The following VAMP7 variants were observed in gnomAD, a reference collection of about 807,000 sequenced individuals.
VAMP7 encodes vesicle-associated membrane protein 7.
In VAMP7, 14 loss-of-function variants were observed where a neutral mutation model predicts 29.6. That is an observed-to-expected ratio of 0.47 (90% CI 0.31 to 0.74). VAMP7 has a LOEUF of 0.74. Ranked by LOEUF, VAMP7 falls within the 30% of genes least tolerant of loss-of-function variation. The probability of loss-of-function intolerance (pLI) is 0.05; values close to 1 mark genes in which losing one functional copy is unlikely to be tolerated. For synonymous variants in VAMP7, 95 were observed against 88.1 expected, an observed-to-expected ratio of 1.08 and a Z score of -0.44; for missense variants, 223 against 262.4, an observed-to-expected ratio of 0.85 and a Z score of 1.04.
intron 5 of VAMP7, among the ~76,000 whole-genome samples, chrX:155,906,374 T>G (rs1337406361): frequency 6.6e-6 from 1 of 152,142 alleles, no homozygotes; most frequent in Admixed American, 6.6e-5. Flanking sequence ...CCCCTCACTC[T>G]GTTCATTGGC....
intron 5 of VAMP7, among the ~76,000 whole-genome samples, chrX:155,917,966 C>T (rs1395268559): frequency 6.6e-6 from 1 of 152,172 alleles, no homozygotes; most frequent in Non-Finnish European, 1.5e-5. Flanking sequence ...CTATAAGCCT[C>T]TGGCTGGGGC....
intron 3 of VAMP7, among the ~76,000 whole-genome samples, chrX:155,896,534 C>T (rs934051857): frequency 1.3e-5 from 2 of 152,160 alleles, no homozygotes; most frequent in African/African-American, 4.8e-5. Context: ...AAGGTCCTTT[C>T]TCTTCTCTGC....
At chrX:155,916,119 T>C (rs1374094485) in intron 5 of VAMP7, among the ~76,000 whole-genome samples, 1 of 152,224 alleles carries the variant, frequency 6.6e-6, no homozygotes, top group African/African-American at 2.4e-5. Flanking sequence ...ATGCCCTTTT[T>C]TGTCTTTTTT....
chrX:155,929,848 C>T (rs1021132320), intron 6 of VAMP7, among the ~76,000 whole-genome samples: 10 of 152,116 alleles, frequency 6.6e-5, no homozygotes, highest in Admixed American at 2.0e-4. Context: ...TCAAGTCCAC[C>T]CTCACTTAAT....
chrX:155,900,631 A>G, intron 5 of VAMP7, 44 bp downstream of exon 5: 1 of 1,517,494 alleles, frequency 6.6e-7, no homozygotes, highest in Non-Finnish European at 9.0e-7. Flanking sequence ...CAAAAATGAT[A>G]AAGATTACTT....
At chrX:155,937,087 AT>A (rs2066670967) in intron 6 of VAMP7, among the ~76,000 whole-genome samples, 1 of 152,188 alleles carries the variant, frequency 6.6e-6, no homozygotes, top group African/African-American at 2.4e-5. Flanking sequence ...TTCCAATGGC[AT>A]TTTTCACAGA....
At chrX:155,898,383 C>A (rs1569436508) in intron 4 of VAMP7, 134 bp downstream of exon 4, 2 of 1,205,154 alleles carry the variant, frequency 1.7e-6, no homozygotes, top group East Asian at 5.0e-5. Flanking sequence ...AATAAAACTT[C>A]CCTGATTAAA....
At chrX:155,924,703 G>T (rs908061038) in intron 6 of VAMP7, among the ~76,000 whole-genome samples, 1 of 152,178 alleles carries the variant, frequency 6.6e-6, no homozygotes, top group Admixed American at 6.5e-5. Context: ...CGATCAGGCT[G>T]GTGGTTGCTG....
At chrX:155,882,046 A>G (rs1171550676) in intron 1 of VAMP7, among the ~76,000 whole-genome samples, 7 of 152,166 alleles carry the variant, frequency 4.6e-5, no homozygotes, top group Non-Finnish European at 1.0e-4. Flanking sequence ...TCCGTCTCCC[A>G]TAACTCTCAC....
At chrX:155,936,269 T>C (rs1398440361) in intron 6 of VAMP7, among the ~76,000 whole-genome samples, 3 of 152,268 alleles carry the variant, frequency 2.0e-5, no homozygotes, top group South Asian at 4.2e-4. Context: ...TCTGCTGCCT[T>C]TTGTTCAGCT....
chrX:155,885,678 A>G (rs1267751476), intron 1 of VAMP7, among the ~76,000 whole-genome samples: 3 of 152,178 alleles, frequency 2.0e-5, no homozygotes, highest in African/African-American at 7.2e-5. Flanking sequence ...GACAGAGAGA[A>G]TGCAGTGTGA....
intron 5 of VAMP7, among the ~76,000 whole-genome samples, chrX:155,909,744 G>C (rs2066209541): frequency 6.6e-6 from 1 of 152,170 alleles, no homozygotes; most frequent in Admixed American, 6.5e-5. Context: ...CTGGCTTGCA[G>C]ACAGCATCTT....
At chrX:155,935,309 C>T (rs1393699377) in intron 6 of VAMP7, among the ~76,000 whole-genome samples, 1 of 152,104 alleles carries the variant, frequency 6.6e-6, no homozygotes. Context: ...CAACTTGGTT[C>T]CATTCTCCCC....
At position 155,895,644 on chromosome X, in the gene VAMP7, C is replaced by T; in HGVS notation, c.168C>T (p.Cys56=). 6.2e-7 allele frequency: 1 copy of T among 1,610,564 alleles called. No individual in the cohort carries two copies. Among genetic ancestry groups the T allele is most frequent in the Non-Finnish European group, 8.5e-7 (1 of 1,177,072 alleles). ...ACAGTTATTTGTTTCATTACATCTG[C>T]CAAGACAGGATTGTATATCTTTGTA... The part of the protein sequence containing the change: ...SHGNYLFHYI[C]QDRIVYLCIT... The change falls in exon 3 of 8, where the codon TGC becomes TGT. Residue 56 remains cysteine, a synonymous_variant. Transcript: ENST00000286448.
chrX:155,925,869 A>G (rs957360859), intron 6 of VAMP7, among the ~76,000 whole-genome samples: 1 of 152,034 alleles, frequency 6.6e-6, no homozygotes, highest in African/African-American at 2.4e-5. Flanking sequence ...AGGCCCCAAG[A>G]TTTATTTTCC....
intron 5 of VAMP7, among the ~76,000 whole-genome samples, chrX:155,917,726 G>C (rs1287246010): frequency 6.6e-6 from 1 of 152,098 alleles, no homozygotes; most frequent in African/African-American, 2.4e-5. Context: ...GAGCTCTCCT[G>C]TATGAGATGT....
rs190948803 is a variant in VAMP7 at position 155,930,748 on chromosome X, A to T, written c.502-8953A>T. Among the ~76,000 whole-genome samples, 1,187 of 151,382 alleles carry T rather than the reference A, an allele frequency of 7.8e-3. 6 individuals carry two copies. Among genetic ancestry groups the T allele is most frequent in the Middle Eastern group, 0.021 (6 of 288 alleles). On this transcript the variant is annotated intron_variant, in intron 6 of 7. Coordinates refer to ENST00000286448, the MANE Select transcript of VAMP7 (RefSeq NM_005638.6). Reference sequence around the variant, plus strand: ...TATTATACTTTAAGTTCTAGGGTACATGTGCACAACGTGCAGGTTTGTTAC... The same window carrying T: ...TATTATACTTTAAGTTCTAGGGTACTTGTGCACAACGTGCAGGTTTGTTAC...
chrX:155,917,290 A>G (rs2066327619), intron 5 of VAMP7, among the ~76,000 whole-genome samples: 2 of 152,120 alleles, frequency 1.3e-5, no homozygotes, highest in Non-Finnish European at 2.9e-5. Flanking sequence ...GTTTCCTTGC[A>G]TGGGGTTAGA....
At chrX:155,883,274 C>T (rs975554226) in intron 1 of VAMP7, among the ~76,000 whole-genome samples, 5 of 152,138 alleles carry the variant, frequency 3.3e-5, no homozygotes, top group African/African-American at 1.2e-4. Context: ...TCTCATTCAC[C>T]AAAGGTGGAC....
Sources: allele counts gnomAD v4.1 joint callset (sites outside exome capture counted in the v4.1 genomes callset), GRCh38; gene constraint gnomAD v4.1.1; transcripts MANE v1.5; gene names NCBI Gene and HGNC (gene_info 2026-07-23, HGNC 2026-07-21).